Variants in HPSE2 observed in about 807,000 individuals in gnomAD.
HPSE2 encodes inactive heparanase-2.
A neutral mutation model predicts 60.5 loss-of-function variants in HPSE2; 38 were observed. That is an observed-to-expected ratio of 0.63 (90% CI 0.48 to 0.82). The LOEUF is 0.82. HPSE2 is among the 40% of genes least tolerant of loss of function. The pLI is 0.00. For synonymous variants in HPSE2, 295 were observed against 293.2 expected, an observed-to-expected ratio of 1.01 and a Z score of -0.06; for missense variants, 713 against 740.4, an observed-to-expected ratio of 0.96 and a Z score of 0.43.
chr10:98,829,985 C>T (rs1052795035), intron 3 of HPSE2, among the ~76,000 whole-genome samples: 2 of 152,138 alleles, frequency 1.3e-5, no homozygotes, highest in African/African-American at 2.4e-5. Context: ...ATAAGTTCCC[C>T]GCCCCTCAAC....
chr10:98,475,572 G>C (rs986562561), intron 11 of HPSE2, among the ~76,000 whole-genome samples: 5 of 116,298 alleles, frequency 4.3e-5, no homozygotes, highest in Non-Finnish European at 8.9e-5. Context: ...TCCCTTGTTG[G>C]CATCTTTCCC....
intron 3 of HPSE2, among the ~76,000 whole-genome samples, chr10:98,754,090 C>T (rs1226590815): frequency 6.6e-6 from 1 of 151,790 alleles, no homozygotes; most frequent in African/African-American, 2.4e-5. Flanking sequence ...AAAACTGAAT[C>T]CAAAAAATCT....
At chr10:99,004,809 T>C (rs1305014478) in intron 3 of HPSE2, among the ~76,000 whole-genome samples, 1 of 152,182 alleles carries the variant, frequency 6.6e-6, no homozygotes, top group Non-Finnish European at 1.5e-5. Flanking sequence ...CTACCTTTAG[T>C]ATGTTGTATA....
At chr10:98,916,383 T>A (rs2135042433) in intron 3 of HPSE2, among the ~76,000 whole-genome samples, 1 of 152,342 alleles carries the variant, frequency 6.6e-6, no homozygotes, top group South Asian at 2.1e-4. Flanking sequence ...CACATACTAT[T>A]TGACATCCAG....
Position 99,021,746 on chromosome 10 carries a change from C to T in HPSE2, c.610+122492G>A, listed in dbSNP as rs555799183. Among the ~76,000 whole-genome samples the T allele has an allele frequency of 3.3e-5, 5 of 151,030 alleles. 1 individual carries two copies. The South Asian group carries it at 1.1e-3, about 32-fold the overall frequency. Reference sequence around the variant, plus strand: ...TTGTGCCTTAATAATAGCAAGATGGCTACAGCAGCTGCAGACATCACCTCC... The same window carrying T: ...TTGTGCCTTAATAATAGCAAGATGGTTACAGCAGCTGCAGACATCACCTCC... On this transcript the variant is annotated intron_variant, in intron 3 of 11. Coordinates refer to ENST00000370552, the MANE Select transcript of HPSE2 (RefSeq NM_021828.5).
intron 6 of HPSE2, among the ~76,000 whole-genome samples, chr10:98,683,280 A>C (rs1229531145): frequency 3.3e-5 from 5 of 152,098 alleles, no homozygotes; most frequent in Non-Finnish European, 7.4e-5. Flanking sequence ...AAAGGTTTAA[A>C]GTCAAAGCCA....
At chr10:98,478,199 G>A (rs1941098599) in intron 11 of HPSE2, among the ~76,000 whole-genome samples, 1 of 152,106 alleles carries the variant, frequency 6.6e-6, no homozygotes, top group East Asian at 1.9e-4. Context: ...ATGTGAATGG[G>A]GCCATCTTCT....
chr10:98,529,592 C>A (rs1253482886), intron 9 of HPSE2, among the ~76,000 whole-genome samples: 2 of 152,170 alleles, frequency 1.3e-5, no homozygotes. Context: ...CTTTATCAAG[C>A]TTGCCTTTCT....
chr10:98,688,813 T>C (rs1947997377), intron 6 of HPSE2, among the ~76,000 whole-genome samples: 1 of 152,030 alleles, frequency 6.6e-6, no homozygotes, highest in Non-Finnish European at 1.5e-5. Context: ...CTACTGGCTT[T>C]CATTGATAAA....
intron 3 of HPSE2, among the ~76,000 whole-genome samples, chr10:98,938,850 C>T (rs972960875): frequency 7.0e-6 from 1 of 143,850 alleles, no homozygotes; most frequent in South Asian, 2.1e-4. Context: ...GTCAGGTTAC[C>T]CACAAAGGGA....
chr10:98,685,250 CTATT>C (rs1269940447), intron 6 of HPSE2, among the ~76,000 whole-genome samples: 15 of 152,136 alleles, frequency 9.9e-5, no homozygotes, highest in Middle Eastern at 3.2e-3. Context: ...AGTTTAATAT[CTATT>C]TATGGTTCTT....
At chr10:98,571,058 G>A (rs916835054) in intron 9 of HPSE2, among the ~76,000 whole-genome samples, 4 of 152,178 alleles carry the variant, frequency 2.6e-5, no homozygotes, top group Non-Finnish European at 4.4e-5. Flanking sequence ...AGTTGTACTA[G>A]TGCAATCGAA....
At chr10:99,277,840 G>A in the HPSE2 span, among the ~76,000 whole-genome samples, 1 of 152,132 alleles carries the variant, frequency 6.6e-6, no homozygotes, top group Non-Finnish European at 1.5e-5. Flanking sequence ...GCTCACGCCT[G>A]TAATCCCAGC....
At chr10:99,204,502 A>G (rs1443088996) in intron 2 of HPSE2, among the ~76,000 whole-genome samples, 1 of 152,266 alleles carries the variant, frequency 6.6e-6, no homozygotes, top group Non-Finnish European at 1.5e-5. Context: ...GAAACATGAA[A>G]AAAACCTAGG....
At chr10:99,172,895 AAAG>A (rs777481471) in intron 2 of HPSE2, among the ~76,000 whole-genome samples, 12 of 150,932 alleles carry the variant, frequency 8.0e-5, no homozygotes, top group Non-Finnish European at 1.6e-4. Context: ...AGAAGAAGAA[AAAG>A]AAGAAAGGGA....
chr10:99,007,119 C>T (rs1376235680), intron 3 of HPSE2, among the ~76,000 whole-genome samples: 1 of 152,166 alleles, frequency 6.6e-6, no homozygotes, highest in Non-Finnish European at 1.5e-5. Flanking sequence ...TGGAGCCTAG[C>T]ACTGTGGGGA....
chr10:99,059,248 A>G (rs770672781), intron 3 of HPSE2, among the ~76,000 whole-genome samples: 2 of 152,204 alleles, frequency 1.3e-5, no homozygotes. Flanking sequence ...GAATTCCACA[A>G]TGGTTGCAGT....
At chr10:99,127,680 T>C (rs1845215652) in intron 3 of HPSE2, among the ~76,000 whole-genome samples, 1 of 152,160 alleles carries the variant, frequency 6.6e-6, no homozygotes, top group Non-Finnish European at 1.5e-5. Flanking sequence ...GATCATCACC[T>C]AGGCACATAG....
intron 3 of HPSE2, among the ~76,000 whole-genome samples, chr10:98,810,192 T>C (rs837742): frequency 0.065 from 9,864 of 152,096 alleles, 1,042 homozygotes; most frequent in African/African-American, 0.22. Context: ...CTTCCTCTAT[T>C]ATAACACTTG....
Sources: allele counts gnomAD v4.1 joint callset (sites outside exome capture counted in the v4.1 genomes callset), GRCh38; gene constraint gnomAD v4.1.1; transcripts MANE v1.5; gene names NCBI Gene and HGNC (gene_info 2026-07-23, HGNC 2026-07-21).